Variants in DOCK1 observed in about 807,000 individuals in gnomAD.
DOCK1 encodes dedicator of cytokinesis protein 1.
In DOCK1, 138 loss-of-function variants were observed where a neutral mutation model predicts 262.7. The ratio of observed to expected loss-of-function variants is 0.53; its 90% CI spans 0.46 to 0.61. DOCK1 has a LOEUF of 0.61. Ranked by LOEUF, DOCK1 falls within the 20% of genes least tolerant of loss-of-function variation. DOCK1 has a pLI of 0.00. For missense variants in DOCK1, 1,908 were observed against 2,370.7 expected, an observed-to-expected ratio of 0.80 and a Z score of 4.05; for synonymous variants, 866 against 867.4, an observed-to-expected ratio of 1.00 and a Z score of 0.03.
At chr10:127,252,581 T>A (rs7100112) in intron 28 of DOCK1, among the ~76,000 whole-genome samples, 23,241 of 149,196 alleles carry the variant, frequency 0.16, 1,977 homozygotes, top group African/African-American at 0.21. Flanking sequence ...TAAGGAAGGG[T>A]TCCAGTTTCA....
intron 29 of DOCK1, among the ~76,000 whole-genome samples, chr10:127,323,136 C>T (rs1253035641): frequency 2.0e-5 from 3 of 151,998 alleles, no homozygotes; most frequent in East Asian, 1.9e-4. Flanking sequence ...ATCTGGCATC[C>T]GAGCTGGTGT....
At chr10:127,005,837 T>C (rs528801551) in intron 10 of DOCK1, among the ~76,000 whole-genome samples, 4 of 152,230 alleles carry the variant, frequency 2.6e-5, no homozygotes, top group Non-Finnish European at 5.9e-5. Context: ...TTTTAATGTC[T>C]TTTTAGTCCC....
intron 6 of DOCK1, among the ~76,000 whole-genome samples, chr10:126,994,875 T>A (rs924956950): frequency 6.6e-6 from 1 of 152,062 alleles, no homozygotes; most frequent in Non-Finnish European, 1.5e-5. Flanking sequence ...GAGGGGCTCC[T>A]CACTTCCCAG....
At chr10:127,278,478 C>G (rs1294840534) in intron 29 of DOCK1, among the ~76,000 whole-genome samples, 1 of 152,132 alleles carries the variant, frequency 6.6e-6, no homozygotes, top group African/African-American at 2.4e-5. Flanking sequence ...TCTCCCTTTT[C>G]CAGCTAATCT....
At chr10:126,950,982 T>G (rs1370775474) in intron 1 of DOCK1, among the ~76,000 whole-genome samples, 2 of 151,988 alleles carry the variant, frequency 1.3e-5, no homozygotes, top group Non-Finnish European at 2.9e-5. Context: ...GCGGTGATTG[T>G]GTTGGTAGTA....
intron 29 of DOCK1, among the ~76,000 whole-genome samples, chr10:127,336,730 G>A (rs902836346): frequency 6.6e-6 from 1 of 152,010 alleles, no homozygotes; most frequent in Admixed American, 6.6e-5. Flanking sequence ...TAGTAGAAAC[G>A]GGGTTTCACT....
chr10:126,909,973 A>G (rs2031526375), intron 1 of DOCK1, among the ~76,000 whole-genome samples: 1 of 152,184 alleles, frequency 6.6e-6, no homozygotes, highest in South Asian at 2.1e-4. Flanking sequence ...CAGTGTGAGG[A>G]GCCTGACTTG....
At chr10:127,186,519 CCCCCCGATCCAGTTACCTCCA>C (rs2056275539) in intron 27 of DOCK1, among the ~76,000 whole-genome samples, 1 of 77,818 alleles carries the variant, frequency 1.3e-5, no homozygotes. Context: ...CCCCCCGCCC[CCCCCCGATCCAGTTACCTCCA>C]CCCAGTTCCA....
chr10:127,123,141 G>A (rs2255742), intron 25 of DOCK1, among the ~76,000 whole-genome samples: 108,067 of 152,096 alleles, frequency 0.71, 42,416 homozygotes, highest in South Asian at 0.89. Flanking sequence ...TCTTGGGTCC[G>A]TCCTAAGCTT....
At chr10:127,153,899 G>A (rs2052760936) in intron 27 of DOCK1, 1 of 1,613,822 alleles carries the variant, frequency 6.2e-7, no homozygotes, top group Admixed American at 1.7e-5. Flanking sequence ...AATTAGCTGT[G>A]TCTTGCCCCG....
chr10:127,430,514 T>A (rs2069207453), intron 47 of DOCK1, among the ~76,000 whole-genome samples: 3 of 152,236 alleles, frequency 2.0e-5, no homozygotes, highest in Admixed American at 2.0e-4. Flanking sequence ...TGCAGTTGTG[T>A]CCTTCAGTCT....
chr10:127,259,807 T>TA (rs1554933331), intron 29 of DOCK1, among the ~76,000 whole-genome samples: 3 of 144,522 alleles, frequency 2.1e-5, no homozygotes, highest in East Asian at 4.1e-4. Flanking sequence ...TTTTTTTTTT[T>TA]ATAATTGAGA....
chr10:127,274,324 G>C (rs553690052), intron 29 of DOCK1, among the ~76,000 whole-genome samples: 3 of 152,308 alleles, frequency 2.0e-5, no homozygotes, highest in East Asian at 3.9e-4. Context: ...CAGAACAAAG[G>C]CTGGGCTTAC....
At chr10:127,084,527 A>G (rs35263774) in intron 23 of DOCK1, among the ~76,000 whole-genome samples, 33,183 of 152,092 alleles carry the variant, frequency 0.22, 5,124 homozygotes, top group African/African-American at 0.44. Flanking sequence ...TCTGTCCAAC[A>G]AGGCACAATT....
chr10:127,144,363 G>GTT (rs1358570759), intron 27 of DOCK1, among the ~76,000 whole-genome samples: 1 of 152,120 alleles, frequency 6.6e-6, no homozygotes, highest in Admixed American at 6.6e-5. Context: ...TTGTCTCTAG[G>GTT]TTTCCATGAG....
At chr10:127,443,080 TCTC>T (rs2134772420) in intron 49 of DOCK1, among the ~76,000 whole-genome samples, 2 of 152,248 alleles carry the variant, frequency 1.3e-5, no homozygotes, top group Admixed American at 6.5e-5. Context: ...CACATGCCTC[TCTC>T]CTCCTGTCTG....
At position 127,004,526 on chromosome 10, in the gene DOCK1, C is replaced by G. The variant is rs529159094; in HGVS notation, c.986-4206C>G. Among the ~76,000 whole-genome samples the G allele has an allele frequency of 2.0e-5, 3 of 151,814 alleles. No homozygotes were observed. The East Asian group carries it at 5.9e-4, about 30-fold the overall frequency. On this transcript the variant is annotated intron_variant, in intron 10 of 51. Coordinates refer to ENST00000623213, the MANE Select transcript of DOCK1 (RefSeq NM_001290223.2). ...CTTTGGGAGGCTGAGGAAGGCAGAT[C>G]GCTTGAGCCCAGGCATTCAAGACCA... is the stretch of plus-strand genomic sequence containing the variant.
At chr10:127,064,897 C>T (rs2045762093) in intron 23 of DOCK1, among the ~76,000 whole-genome samples, 1 of 152,222 alleles carries the variant, frequency 6.6e-6, no homozygotes, top group South Asian at 2.1e-4. Flanking sequence ...CCATCAAACA[C>T]CAACTCCCTG....
At chr10:127,416,908 A>G (rs2068189467) in intron 44 of DOCK1, among the ~76,000 whole-genome samples, 1 of 46,152 alleles carries the variant, frequency 2.2e-5, no homozygotes, top group South Asian at 6.0e-4. Context: ...AGCAGGGTGC[A>G]CGTGGCTGGC....
Sources: gnomAD v4.1 joint callset for allele counts (sites outside exome capture counted in the v4.1 genomes callset) on GRCh38, gnomAD v4.1.1 for gene constraint, MANE v1.5 for transcripts, NCBI Gene and HGNC (gene_info 2026-07-23, HGNC 2026-07-21) for gene names.